The following SYT14 variants were observed in gnomAD, a reference collection of about 807,000 sequenced individuals.
The protein encoded by SYT14 is synaptotagmin-14.
A neutral mutation model predicts 74.2 loss-of-function variants in SYT14; 32 were observed. The ratio of observed to expected loss-of-function variants is 0.43; its 90% confidence interval spans 0.33 to 0.58. SYT14 has a LOEUF of 0.58. SYT14 is among the 20% of genes least tolerant of loss of function. The pLI is 0.05. For synonymous variants in SYT14, 298 were observed against 337.7 expected (o/e 0.88, Z 1.29); for missense variants, 791 against 981.8 (o/e 0.81, Z 2.60).
intron 4 of SYT14, among the ~76,000 whole-genome samples, chr1:210,018,122 A>T (rs927449780): frequency 6.6e-6 from 1 of 152,216 alleles, no homozygotes; most frequent in African/African-American, 2.4e-5. Flanking sequence ...TTTGGAGTCT[A>T]TTTTTCTAGC....
chr1:210,090,730 T>C (rs1163101470), intron 5 of SYT14, among the ~76,000 whole-genome samples: 2 of 152,156 alleles, frequency 1.3e-5, no homozygotes, highest in Non-Finnish European at 2.9e-5. Flanking sequence ...GTTTACAGTG[T>C]AATTTAACAA....
At chr1:209,948,677 T>A (rs896060265) in intron 1 of SYT14, among the ~76,000 whole-genome samples, 3 of 152,200 alleles carry the variant, frequency 2.0e-5, no homozygotes, top group Admixed American at 6.5e-5. Context: ...ATACATTAAA[T>A]ATAATGTTCT....
chr1:209,979,057 C>G (rs972841136), intron 2 of SYT14, among the ~76,000 whole-genome samples: 4 of 152,186 alleles, frequency 2.6e-5, no homozygotes, highest in Non-Finnish European at 5.9e-5. Flanking sequence ...ATTGGAAAAG[C>G]GCAGTATTAG....
chr1:209,960,957 G>A (rs189479239), intron 2 of SYT14, among the ~76,000 whole-genome samples: 1 of 152,260 alleles, frequency 6.6e-6, no homozygotes, highest in East Asian at 1.9e-4. Flanking sequence ...GGCTGAACTT[G>A]GTGCTGCTTT....
chr1:210,083,920 G>T (rs1386236239), intron 5 of SYT14, among the ~76,000 whole-genome samples: 1 of 152,058 alleles, frequency 6.6e-6, no homozygotes, highest in African/African-American at 2.4e-5. Flanking sequence ...GCCCAGGCTG[G>T]ACTGGAACTC....
chr1:210,096,113 A>G (rs1249768391), intron 6 of SYT14, among the ~76,000 whole-genome samples: 1 of 152,194 alleles, frequency 6.6e-6, no homozygotes, highest in Admixed American at 6.5e-5. Flanking sequence ...CCATTTTATA[A>G]ATGAAAACAT....
At chr1:209,968,726 CTT>C (rs34548472) in intron 2 of SYT14, among the ~76,000 whole-genome samples, 3 of 137,196 alleles carry the variant, frequency 2.2e-5, no homozygotes, top group Admixed American at 7.0e-5. Flanking sequence ...TAGCTCATTT[CTT>C]TTTTTTTTTT....
chr1:209,970,647 C>G (rs982058509), intron 2 of SYT14, among the ~76,000 whole-genome samples: 1 of 108,340 alleles, frequency 9.2e-6, no homozygotes, highest in African/African-American at 3.4e-5. Flanking sequence ...TTACAGATTG[C>G]TTTGGGCAGT....
At chr1:210,074,608 A>G (rs949314621) in intron 5 of SYT14, among the ~76,000 whole-genome samples, 5 of 152,210 alleles carry the variant, frequency 3.3e-5, no homozygotes, top group Admixed American at 6.5e-5. Flanking sequence ...CCAATTCTGT[A>G]AATTCTTTAC....
At chr1:210,103,975 C>T (rs182359591) in intron 7 of SYT14, among the ~76,000 whole-genome samples, 42 of 152,258 alleles carry the variant, frequency 2.8e-4, no homozygotes, top group Non-Finnish European at 4.7e-4. Context: ...TGACTTTCCC[C>T]GTCTCACTGG....
chr1:210,033,231 GT>G (rs2080581779), intron 5 of SYT14, among the ~76,000 whole-genome samples: 1 of 151,754 alleles, frequency 6.6e-6, no homozygotes, highest in South Asian at 2.1e-4. Flanking sequence ...GACCATGAGA[GT>G]TGAGTTAAAG....
intron 5 of SYT14, among the ~76,000 whole-genome samples, chr1:210,080,338 A>G (rs1436395699): frequency 6.6e-6 from 1 of 152,222 alleles, no homozygotes; most frequent in East Asian, 1.9e-4. Context: ...TCATGTAGTC[A>G]GATTAGAAGG....
At chr1:210,072,080 G>T (rs2081405220) in intron 5 of SYT14, among the ~76,000 whole-genome samples, 1 of 150,422 alleles carries the variant, frequency 6.6e-6, no homozygotes. Flanking sequence ...TCAATAATTT[G>T]ATGTCTATTC....
At chr1:210,146,832 T>C (rs534558879) in intron 7 of SYT14, among the ~76,000 whole-genome samples, 4 of 151,610 alleles carry the variant, frequency 2.6e-5, no homozygotes, top group Non-Finnish European at 5.9e-5. Context: ...ACATGCATAC[T>C]ATATGTATGT....
At chr1:210,082,469 A>G (rs111882723) in intron 5 of SYT14, among the ~76,000 whole-genome samples, 13 of 152,194 alleles carry the variant, frequency 8.5e-5, no homozygotes, top group African/African-American at 2.9e-4. Context: ...TGGTGTTGGT[A>G]TATCACTAGA....
intron 2 of SYT14, among the ~76,000 whole-genome samples, chr1:209,991,755 A>G (rs2079690662): frequency 6.6e-6 from 1 of 151,860 alleles, no homozygotes; most frequent in African/African-American, 2.4e-5. Context: ...GCTTGAACCT[A>G]GGAGGCAGAG....
intron 2 of SYT14, among the ~76,000 whole-genome samples, chr1:209,981,417 T>A (rs2102799687): frequency 6.6e-6 from 1 of 151,236 alleles, no homozygotes; most frequent in African/African-American, 2.4e-5. Context: ...TGTTGAAATT[T>A]CTTTTCTTTC....
chr1:210,078,100 A>G (rs888849612), intron 5 of SYT14, among the ~76,000 whole-genome samples: 1 of 151,890 alleles, frequency 6.6e-6, no homozygotes, highest in African/African-American at 2.4e-5. Flanking sequence ...CACGAGGTCA[A>G]GAGATCGAGA....
intron 7 of SYT14, among the ~76,000 whole-genome samples, chr1:210,102,604 T>C (rs1231981939): frequency 6.6e-6 from 1 of 152,164 alleles, no homozygotes; most frequent in Non-Finnish European, 1.5e-5. Context: ...TGAGTTTGGC[T>C]CTAATTTTTG....
Sources: allele counts gnomAD v4.1 joint callset (sites outside exome capture counted in the v4.1 genomes callset), GRCh38; gene constraint gnomAD v4.1.1; transcripts MANE v1.5; gene names NCBI Gene and HGNC (gene_info 2026-07-23, HGNC 2026-07-21).